Variants in DCC observed in about 807,000 individuals in gnomAD.
DCC encodes the protein netrin receptor DCC.
DCC carries 58 observed loss-of-function variants against 172.5 expected under a neutral mutation model. The ratio of observed to expected loss-of-function variants is 0.34; its 90% CI spans 0.27 to 0.42. DCC has a LOEUF of 0.42. Ranked by LOEUF, DCC falls within the 10% of genes least tolerant of loss-of-function variation. The pLI is 1.00. For missense variants in DCC, 1,740 were observed against 1,791.0 expected (o/e 0.97, Z 0.51); for synonymous variants, 709 against 644.5 (o/e 1.10, Z -1.52).
intron 7 of DCC, among the ~76,000 whole-genome samples, chr18:53,076,753 C>T (rs1260867234): frequency 6.6e-6 from 1 of 152,148 alleles, no homozygotes; most frequent in Non-Finnish European, 1.5e-5. Context: ...GAAGAGAAGT[C>T]ATCCAAGTAA....
intron 1 of DCC, among the ~76,000 whole-genome samples, chr18:52,422,689 G>A: frequency 6.6e-6 from 1 of 152,206 alleles, no homozygotes; most frequent in Non-Finnish European, 1.5e-5. Flanking sequence ...AAAGACAAGT[G>A]CTTTGTGAAG....
chr18:53,451,713 C>CTT (rs1167934443), intron 23 of DCC, among the ~76,000 whole-genome samples: 1 of 150,098 alleles, frequency 6.7e-6, no homozygotes, highest in Non-Finnish European at 1.5e-5. Context: ...CGCTCTTGCT[C>CTT]TCTCTCTCTC....
chr18:52,631,990 C>T (rs918378600), intron 1 of DCC, among the ~76,000 whole-genome samples: 8 of 152,286 alleles, frequency 5.3e-5, no homozygotes, highest in East Asian at 1.9e-4. Context: ...CCAAAGCCTT[C>T]GCATGTACAA....
chr18:53,263,431 C>A (rs2056629357), intron 12 of DCC, among the ~76,000 whole-genome samples: 1 of 152,208 alleles, frequency 6.6e-6, no homozygotes, highest in Non-Finnish European at 1.5e-5. Flanking sequence ...GGATTACAGG[C>A]ATGAGCCACC....
chr18:52,753,917 A>G (rs2037037342), intron 2 of DCC, among the ~76,000 whole-genome samples: 1 of 152,074 alleles, frequency 6.6e-6, no homozygotes, highest in African/African-American at 2.4e-5. Flanking sequence ...TAACTTTTAT[A>G]TTGACCATAA....
chr18:52,978,782 C>T (rs780637653), intron 5 of DCC, among the ~76,000 whole-genome samples: 2 of 152,166 alleles, frequency 1.3e-5, no homozygotes, highest in Non-Finnish European at 2.9e-5. Flanking sequence ...TTTGCATACC[C>T]ATGGCTTATT....
intron 2 of DCC, among the ~76,000 whole-genome samples, chr18:52,857,745 A>T (rs1434499820): frequency 6.6e-6 from 1 of 152,150 alleles, no homozygotes; most frequent in Non-Finnish European, 1.5e-5. Context: ...CTGTGATTTG[A>T]ACTTTTGTTT....
chr18:53,242,125 A>G (rs949514793), intron 12 of DCC, among the ~76,000 whole-genome samples: 17 of 152,284 alleles, frequency 1.1e-4, no homozygotes, highest in African/African-American at 3.6e-4. Context: ...GGCTTGTAGT[A>G]AAGAACAAAC....
intron 1 of DCC, among the ~76,000 whole-genome samples, chr18:52,546,994 G>T (rs2032634890): frequency 1.3e-5 from 2 of 152,154 alleles, no homozygotes; most frequent in Admixed American, 6.5e-5. Context: ...GAAGGGAAAA[G>T]AGCACACCGT....
chr18:52,479,403 T>A (rs1244047138), intron 1 of DCC, among the ~76,000 whole-genome samples: 5 of 152,186 alleles, frequency 3.3e-5, no homozygotes, highest in African/African-American at 9.6e-5. Flanking sequence ...CCTTGGTCTT[T>A]AATTTGAAAT....
At chr18:53,038,528 T>C (rs992549773) in intron 5 of DCC, among the ~76,000 whole-genome samples, 1 of 151,982 alleles carries the variant, frequency 6.6e-6, no homozygotes, top group South Asian at 2.1e-4. Flanking sequence ...TACACTATCA[T>C]TAAGGTAGAA....
intron 5 of DCC, among the ~76,000 whole-genome samples, chr18:53,056,185 G>T (rs916046557): frequency 1.3e-5 from 2 of 152,006 alleles, no homozygotes; most frequent in Non-Finnish European, 1.5e-5. Context: ...TCACAATCAC[G>T]GCGAAAGGCA....
chr18:52,348,138 C>G (rs1983959614), intron 1 of DCC, among the ~76,000 whole-genome samples: 1 of 152,130 alleles, frequency 6.6e-6, no homozygotes, highest in South Asian at 2.1e-4. Flanking sequence ...TGAGTTTCAT[C>G]TATGTGGATT....
chr18:52,483,314 G>T (rs142655732), intron 1 of DCC, among the ~76,000 whole-genome samples: 62 of 152,160 alleles, frequency 4.1e-4, no homozygotes, highest in African/African-American at 1.3e-3. Context: ...GGGCCATGCA[G>T]CCAACTATAT....
At chr18:52,446,667 T>C (rs1257245792) in intron 1 of DCC, among the ~76,000 whole-genome samples, 2 of 152,252 alleles carry the variant, frequency 1.3e-5, no homozygotes, top group African/African-American at 2.4e-5. Flanking sequence ...TCTGGCATTC[T>C]CCTTCTAGCC....
chr18:52,874,889 G>A (rs1337641444), intron 2 of DCC, among the ~76,000 whole-genome samples: 1 of 152,152 alleles, frequency 6.6e-6, no homozygotes, highest in Admixed American at 6.5e-5. Context: ...CTTTACTGGT[G>A]TTTCTTTGGG....
intron 2 of DCC, among the ~76,000 whole-genome samples, chr18:52,784,627 C>G (rs1387060089): frequency 1.3e-5 from 2 of 151,962 alleles, no homozygotes; most frequent in Non-Finnish European, 2.9e-5. Context: ...GTGAGAAGAT[C>G]TTCTCATTGT....
intron 7 of DCC, among the ~76,000 whole-genome samples, chr18:53,145,934 A>G (rs969380993): frequency 6.6e-6 from 1 of 152,142 alleles, no homozygotes; most frequent in Non-Finnish European, 1.5e-5. Flanking sequence ...TACTTTTATA[A>G]CAAAATACCA....
At chr18:52,734,826 C>T (rs1034028651) in intron 1 of DCC, among the ~76,000 whole-genome samples, 1 of 152,072 alleles carries the variant, frequency 6.6e-6, no homozygotes, top group African/African-American at 2.4e-5. Flanking sequence ...TAAACCCAAA[C>T]AGGCAAAGGG....
Sources: allele counts gnomAD v4.1 joint callset (sites outside exome capture counted in the v4.1 genomes callset), GRCh38; gene constraint gnomAD v4.1.1; transcripts MANE v1.5; gene names NCBI Gene and HGNC (gene_info 2026-07-23, HGNC 2026-07-21).